PXYLP1: variants seen among roughly 807,000 people sequenced by gnomAD.
PXYLP1 encodes 2-phosphoxylose phosphatase 1, also known as acid phosphatase-like 2.
Under a neutral mutation model 37.9 loss-of-function variants are expected in PXYLP1, and 17 were observed. The ratio of observed to expected loss-of-function variants is 0.45; its 90% confidence interval spans 0.31 to 0.67. PXYLP1 has a LOEUF of 0.67. Ranked by LOEUF, PXYLP1 falls within the 30% of genes least tolerant of loss-of-function variation. PXYLP1 has a pLI of 0.07. For missense variants in PXYLP1, 511 were observed against 612.0 expected (o/e 0.84, Z 1.74); for synonymous variants, 221 against 232.2 (o/e 0.95, Z 0.44).
intron 4 of PXYLP1, among the ~76,000 whole-genome samples, chr3:141,285,225 CA>C (rs1428799634): frequency 7.0e-6 from 1 of 142,086 alleles, no homozygotes; most frequent in African/African-American, 2.7e-5. Context: ...CAGCTCACTG[CA>C]GCCTCGACCT....
intron 2 of PXYLP1, among the ~76,000 whole-genome samples, chr3:141,274,783 G>A (rs902133593): frequency 3.3e-5 from 5 of 152,198 alleles, no homozygotes; most frequent in African/African-American, 9.6e-5. Flanking sequence ...CAGGAACTGG[G>A]TAGGCTCATA....
At chr3:141,232,170 G>C (rs1361782600) in intron 1 of PXYLP1, among the ~76,000 whole-genome samples, 1 of 151,546 alleles carries the variant, frequency 6.6e-6, no homozygotes, top group Non-Finnish European at 1.5e-5. Context: ...CCCCCCGTGC[G>C]CCCGGTGTCC....
intron 2 of PXYLP1, among the ~76,000 whole-genome samples, chr3:141,266,671 G>C (rs1388593666): frequency 2.1e-5 from 3 of 143,644 alleles, no homozygotes; most frequent in South Asian, 2.3e-4. Context: ...GAGAGAGATG[G>C]GGGGAGAGAG....
chr3:141,232,716 G>A (rs1376375755), intron 1 of PXYLP1, among the ~76,000 whole-genome samples: 1 of 152,240 alleles, frequency 6.6e-6, no homozygotes, highest in Non-Finnish European at 1.5e-5. Flanking sequence ...AGGGTAGGTT[G>A]CCTGCTTTGC....
At chr3:141,256,942 A>C (rs749250866) in intron 1 of PXYLP1, among the ~76,000 whole-genome samples, 4 of 152,232 alleles carry the variant, frequency 2.6e-5, no homozygotes, top group Non-Finnish European at 4.4e-5. Flanking sequence ...AGATTGGTAG[A>C]GATGTCAGCA....
intron 5 of PXYLP1, among the ~76,000 whole-genome samples, chr3:141,290,174 A>G (rs763560784): frequency 7.2e-4 from 110 of 152,362 alleles, no homozygotes; most frequent in Non-Finnish European, 1.4e-3. Context: ...ATGCTTTGGC[A>G]GCTGCTGAGT....
intron 4 of PXYLP1, 112 bp downstream of exon 4, chr3:141,279,616 C>T (rs1576601858): frequency 7.4e-7 from 1 of 1,343,584 alleles, no homozygotes. Context: ...AGCCTGAGCT[C>T]AGAGCAGTCC....
At chr3:141,273,352 G>T (rs1055336725) in intron 2 of PXYLP1, 80 of 985,316 alleles carry the variant, frequency 8.1e-5, no homozygotes, top group Non-Finnish European at 8.9e-5. Flanking sequence ...TCTGCCTAAG[G>T]TCTACTGTCT....
chr3:141,248,657 G>A (rs866821386), intron 1 of PXYLP1, among the ~76,000 whole-genome samples: 23 of 62,916 alleles, frequency 3.7e-4, no homozygotes, highest in East Asian at 2.7e-3. Context: ...ATATACACAC[G>A]TATATATACA....
intron 4 of PXYLP1, among the ~76,000 whole-genome samples, chr3:141,285,567 G>A (rs944218577): frequency 6.6e-6 from 1 of 152,124 alleles, no homozygotes; most frequent in Non-Finnish European, 1.5e-5. Context: ...AATGCAGTTA[G>A]ATATCATTAA....
At chr3:141,269,319 C>T (rs1464876990) in intron 2 of PXYLP1, among the ~76,000 whole-genome samples, 1 of 152,192 alleles carries the variant, frequency 6.6e-6, no homozygotes, top group African/African-American at 2.4e-5. Context: ...GACAGAAGCA[C>T]ATGTTTAGCC....
At chr3:141,273,845 A>G (rs1320722332) in intron 2 of PXYLP1, 2 of 985,308 alleles carry the variant, frequency 2.0e-6, no homozygotes, top group Non-Finnish European at 2.4e-6. Context: ...TACAGAGTTA[A>G]TCATCAGTAA....
rs149294799 is a variant in PXYLP1, at chr3:141,292,687, C to T, written c.925C>T (p.Pro309Ser). ...CCACTTCTGCCACAATGTCAGCTTT[C>T]CCTGTACCAGAAATGGCTGTGTTGA... ...LCHFCHNVSF[P>S]CTRNGCVDME... is the part of the protein sequence containing the mutation. Residue 309 changes from proline (P) to serine (S), a missense_variant, in exon 6 of 6, where the codon CCC (proline) becomes TCC (serine). Transcript: ENST00000286353. This position sits in a 1 kb window ranked among gnomAD's most constrained non-coding sequence, Gnocchi z 4.3. 4 of 1,613,958 alleles carry T rather than the reference C, an allele frequency of 2.5e-6. No individual in the cohort carries two copies. The highest frequency in any genetic ancestry group is 1.7e-5 in the Admixed American group (1 of 60,006).
intron 1 of PXYLP1, among the ~76,000 whole-genome samples, chr3:141,255,635 A>T (rs900501282): frequency 6.6e-6 from 1 of 152,174 alleles, no homozygotes; most frequent in Non-Finnish European, 1.5e-5. Flanking sequence ...CATAGCTTGT[A>T]TGAGTCTCAC....
rs182893968 is a variant in PXYLP1, at chr3:141,283,041, G to A, written c.365+3537G>A. On this transcript the variant is annotated intron_variant, in intron 4 of 5. Transcript: ENST00000286353. ...GAGTGCAATGGCATGAACTTGGCTCGTTGCAACCTCTGCCTCCCAGGTTCA... is the reference window on the plus strand; with the variant it reads ...GAGTGCAATGGCATGAACTTGGCTCATTGCAACCTCTGCCTCCCAGGTTCA... Among the ~76,000 whole-genome samples, 160 of 151,828 alleles carry A rather than the reference G, an allele frequency of 1.1e-3. 1 individual carries two copies. In the East Asian group the frequency reaches 0.021, roughly 20 times the overall value.
intron 2 of PXYLP1, among the ~76,000 whole-genome samples, chr3:141,265,842 T>C (rs1373045408): frequency 6.6e-6 from 1 of 152,158 alleles, no homozygotes; most frequent in East Asian, 1.9e-4. Flanking sequence ...GGTGGCTCCC[T>C]GGGTCTGAAG....
chr3:141,245,357 C>T (rs73232935), intron 1 of PXYLP1, among the ~76,000 whole-genome samples: 459 of 152,266 alleles, frequency 3.0e-3, no homozygotes, highest in Non-Finnish European at 5.1e-3. Flanking sequence ...ATGAGCCACC[C>T]ACACCTGGCT....
intron 4 of PXYLP1, among the ~76,000 whole-genome samples, chr3:141,281,134 G>A (rs969368768): frequency 3.3e-5 from 5 of 152,336 alleles, no homozygotes; most frequent in African/African-American, 9.6e-5. Context: ...CCAAGGAGGA[G>A]AAAACATCCA....
At chr3:141,246,008 C>T (rs939599423) in intron 1 of PXYLP1, among the ~76,000 whole-genome samples, 1 of 152,160 alleles carries the variant, frequency 6.6e-6, no homozygotes, top group African/African-American at 2.4e-5. Flanking sequence ...GAGCTGGCTT[C>T]AGACTCTAGT....
Sources: allele counts gnomAD v4.1 joint callset (sites outside exome capture counted in the v4.1 genomes callset), GRCh38; gene constraint gnomAD v4.1.1; non-coding constraint Gnocchi (gnomAD v3.1); transcripts MANE v1.5; gene names NCBI Gene and HGNC (gene_info 2026-07-23, HGNC 2026-07-21).